Variants in ARHGAP12 observed in about 807,000 individuals in gnomAD.
The protein encoded by ARHGAP12 is Rho GTPase activating protein 12, also known as rho GTPase-activating protein 12.
Under a neutral mutation model 108.6 loss-of-function variants are expected in ARHGAP12, and 64 were observed. The ratio of observed to expected loss-of-function variants is 0.59; its 90% CI spans 0.48 to 0.73. The LOEUF (loss-of-function observed/expected upper bound fraction) is 0.73. Ranked by LOEUF, ARHGAP12 falls within the 30% of genes least tolerant of loss-of-function variation. The pLI, the probability that ARHGAP12 is intolerant of heterozygous loss-of-function variation, is 0.00. For missense variants in ARHGAP12, 940 were observed against 1,005.9 expected (o/e 0.93, Z 0.89); for synonymous variants, 312 against 337.2 (o/e 0.93, Z 0.82).
chr10:31,920,281 C>T (rs1839740048), intron 1 of ARHGAP12, among the ~76,000 whole-genome samples: 1 of 151,234 alleles, frequency 6.6e-6, no homozygotes, highest in African/African-American at 2.4e-5. Flanking sequence ...TGAAACCTCA[C>T]TCTACTAAAA....
chr10:31,925,207 T>C (rs1016621450), intron 1 of ARHGAP12, among the ~76,000 whole-genome samples: 4 of 152,174 alleles, frequency 2.6e-5, no homozygotes, highest in Non-Finnish European at 5.9e-5. Context: ...AAAAAACTAT[T>C]ATCATCATCC....
At chr10:31,904,471 G>T (rs933273941) in intron 3 of ARHGAP12, among the ~76,000 whole-genome samples, 8 of 152,128 alleles carry the variant, frequency 5.3e-5, no homozygotes, top group African/African-American at 1.7e-4. Flanking sequence ...ATTGGTTATG[G>T]CTGTAAAAGG....
chr10:31,813,609 T>G (rs1478108810), intron 14 of ARHGAP12, among the ~76,000 whole-genome samples: 1 of 149,048 alleles, frequency 6.7e-6, no homozygotes, highest in Non-Finnish European at 1.5e-5. Context: ...TTCTAATCAT[T>G]CAGTTAATAT....
chr10:31,928,174 G>GCACACACA (rs60633813), intron 1 of ARHGAP12, among the ~76,000 whole-genome samples: 3 of 149,406 alleles, frequency 2.0e-5, no homozygotes, highest in Non-Finnish European at 3.0e-5. Context: ...GGCCTTTTGC[G>GCACACACA]CACACACACA....
chr10:31,809,083 A>G lies in ARHGAP12; in HGVS notation c.2174T>C (p.Val725Ala). Reference protein sequence around the residue: ...LNDSKWEDIHVITGALKMFFR... With the variant: ...LNDSKWEDIHAITGALKMFFR... ...AAACATTTTGAGGGCTCCAGTAATG[A>G]CATGAATATCTTCCCATTTACTGTC... The change falls in exon 18 of 20, where the codon GTC (valine) becomes GCC (alanine). Residue 725 changes from valine to alanine, a missense_variant. Coordinates refer to ENST00000344936, the MANE Select transcript of ARHGAP12 (RefSeq NM_018287.7). The G allele has an allele frequency of 6.2e-7, 1 of 1,613,404 alleles. No individual in the cohort carries two copies. Among genetic ancestry groups the G allele is most frequent in the Non-Finnish European group, 8.5e-7 (1 of 1,179,622 alleles).
intron 3 of ARHGAP12, among the ~76,000 whole-genome samples, chr10:31,876,423 T>C (rs528281957): frequency 2.0e-5 from 3 of 152,056 alleles, no homozygotes; most frequent in African/African-American, 4.8e-5. Context: ...GGCTGGAGAA[T>C]TGCTTGAACC....
rs1194416338 is a variant in ARHGAP12 at position 31,808,745 on chromosome 10, T to A, written c.2270A>T (p.Glu757Val). ...AACAGCAGCGACTCGCTGTCTTGGTTCTTGCTCTGAAAAAAGATAATAACC... is the reference window on the plus strand; with the variant it reads ...AACAGCAGCGACTCGCTGTCTTGGTACTTGCTCTGAAAAAAGATAATAACC... ...FNDFVNAIKQ[E>V]PRQRVAAVKD... The change falls in exon 19 of 20, where the codon GAA (glutamate) becomes GTA (valine). Residue 757 changes from glutamate to valine, a missense_variant. Transcript: ENST00000344936. The A allele has an allele frequency of 1.9e-6, 3 of 1,613,428 alleles. No homozygotes were observed. In the Admixed American group the frequency reaches 5.0e-5, roughly 27 times the overall value.
At chr10:31,887,667 T>TG (rs1478864754) in intron 3 of ARHGAP12, among the ~76,000 whole-genome samples, 1 of 150,578 alleles carries the variant, frequency 6.6e-6, no homozygotes, top group African/African-American at 2.4e-5. Flanking sequence ...TTTTGTTTTT[T>TG]TTTTTTTTGA....
intron 9 of ARHGAP12, among the ~76,000 whole-genome samples, chr10:31,834,136 T>A (rs564159675): frequency 6.6e-6 from 1 of 152,150 alleles, no homozygotes; most frequent in African/African-American, 2.4e-5. Context: ...GCTGGTAATA[T>A]CTCCACTTCA....
chr10:31,830,067 T>C (rs1005686674), intron 10 of ARHGAP12, among the ~76,000 whole-genome samples: 2 of 152,298 alleles, frequency 1.3e-5, no homozygotes, highest in East Asian at 1.9e-4. Context: ...TTAGAAAACA[T>C]AGTTTTTCTT....
chr10:31,842,635 T>C (rs773225970), intron 7 of ARHGAP12, among the ~76,000 whole-genome samples: 1 of 152,146 alleles, frequency 6.6e-6, no homozygotes, highest in Non-Finnish European at 1.5e-5. Context: ...TATAAAGGAA[T>C]TTAGGACTGA....
chr10:31,903,352 T>C (rs924965294), intron 3 of ARHGAP12, among the ~76,000 whole-genome samples: 1 of 152,196 alleles, frequency 6.6e-6, no homozygotes, highest in Non-Finnish European at 1.5e-5. Flanking sequence ...TATCTTCTGG[T>C]ACCGTCATCA....
chr10:31,900,277 C>T (rs562839634), intron 3 of ARHGAP12, among the ~76,000 whole-genome samples: 1 of 152,100 alleles, frequency 6.6e-6, no homozygotes, highest in African/African-American at 2.4e-5. Flanking sequence ...AATAGAAAAA[C>T]CACTTAGAAA....
At chr10:31,890,436 T>C (rs1268977009) in intron 3 of ARHGAP12, among the ~76,000 whole-genome samples, 4 of 152,156 alleles carry the variant, frequency 2.6e-5, no homozygotes, top group Non-Finnish European at 5.9e-5. Context: ...ATTTAAGCCA[T>C]TATATAGCAG....
At chr10:31,832,993 A>T (rs150621972) in intron 9 of ARHGAP12, among the ~76,000 whole-genome samples, 2 of 152,276 alleles carry the variant, frequency 1.3e-5, no homozygotes, top group African/African-American at 4.8e-5. Flanking sequence ...TATTTTTCGT[A>T]AGAACTATGT....
intron 3 of ARHGAP12, among the ~76,000 whole-genome samples, chr10:31,877,052 C>T (rs376321671): frequency 6.6e-6 from 1 of 152,178 alleles, no homozygotes; most frequent in Non-Finnish European, 1.5e-5. Context: ...TGTTCTTTTT[C>T]ATCAGGCATC....
chr10:31,894,826 T>C (rs1838611762), intron 3 of ARHGAP12, among the ~76,000 whole-genome samples: 1 of 152,160 alleles, frequency 6.6e-6, no homozygotes, highest in Non-Finnish European at 1.5e-5. Flanking sequence ...GCTGGAGGCA[T>C]CACGCTACCT....
intron 6 of ARHGAP12, among the ~76,000 whole-genome samples, chr10:31,848,799 G>A (rs947020374): frequency 3.3e-5 from 5 of 152,040 alleles, no homozygotes; most frequent in African/African-American, 9.7e-5. Flanking sequence ...TCGGCTAGGC[G>A]CGGTGGCTCA....
intron 1 of ARHGAP12, among the ~76,000 whole-genome samples, chr10:31,917,073 G>A (rs1001064376): frequency 6.6e-5 from 10 of 151,978 alleles, no homozygotes; most frequent in African/African-American, 1.5e-4. Context: ...ACTGAACTTC[G>A]CATCAAATCC....
Sources: allele counts gnomAD v4.1 joint callset (sites outside exome capture counted in the v4.1 genomes callset), GRCh38; gene constraint gnomAD v4.1.1; transcripts MANE v1.5; gene names NCBI Gene and HGNC (gene_info 2026-07-23, HGNC 2026-07-21).